SH3D19: variants seen among roughly 807,000 people sequenced by gnomAD.
SH3D19 encodes SH3 domain containing 19.
Under a neutral mutation model 112.1 loss-of-function variants are expected in SH3D19, and 58 were observed. That is an observed-to-expected ratio of 0.52 (90% CI 0.42 to 0.64). The LOEUF (loss-of-function observed/expected upper bound fraction) is 0.64. SH3D19 is among the 30% of genes least tolerant of loss of function. The pLI is 0.00. For missense variants in SH3D19, 1,090 were observed against 1,263.4 expected (o/e 0.86, Z 2.08); for synonymous variants, 391 against 448.5 (o/e 0.87, Z 1.62).
rs953459314 is a variant in SH3D19, at chr4:151,132,390, T to TAA, written c.2690-9_2690-8dup. 1.2e-6 allele frequency: 2 copies of TAA among 1,613,016 alleles called. No homozygotes were observed. Among genetic ancestry groups the TAA allele is most frequent in the Admixed American group, 3.3e-5 (2 of 59,890 alleles). On this transcript the variant is annotated splice_region_variant and splice_polypyrimidine_tract_variant and intron_variant, in intron 16 of 19. Transcript: ENST00000604030. ...TTCAGTGGTACCTTTGTGCCTACATTAAAAAAACAAACAAACACAAGAAGT... is the reference window on the plus strand; with the variant it reads ...TTCAGTGGTACCTTTGTGCCTACATTAAAAAAAAACAAACAAACACAAGAAGT...
chr4:151,252,053 G>A (rs150648501), intron 1 of SH3D19, among the ~76,000 whole-genome samples: 149 of 152,268 alleles, frequency 9.8e-4, no homozygotes, highest in African/African-American at 3.2e-3. Flanking sequence ...AGGAAAATCC[G>A]TCTGTGTTCC....
chr4:151,324,562 C>G (rs1325743279), intron 1 of SH3D19, among the ~76,000 whole-genome samples: 6 of 152,038 alleles, frequency 3.9e-5, no homozygotes, highest in Admixed American at 6.5e-5. Context: ...CACTTATTCA[C>G]TCTTTCACTA....
intron 1 of SH3D19, among the ~76,000 whole-genome samples, chr4:151,244,268 T>A (rs555916202): frequency 2.0e-5 from 3 of 152,258 alleles, no homozygotes; most frequent in South Asian, 2.1e-4. Context: ...GGTTTTTGGT[T>A]TTGTTTTGTT....
intron 1 of SH3D19, among the ~76,000 whole-genome samples, chr4:151,228,934 A>C (rs1391253170): frequency 6.6e-6 from 1 of 151,746 alleles, no homozygotes; most frequent in Non-Finnish European, 1.5e-5. Context: ...AGCTCACTGC[A>C]GCCTTGAGCT....
intron 1 of SH3D19, among the ~76,000 whole-genome samples, chr4:151,306,051 T>C (rs1580455899): frequency 2.6e-5 from 4 of 152,334 alleles, no homozygotes; most frequent in Admixed American, 2.6e-4. Flanking sequence ...TAATACTTTA[T>C]GAATTCATTT....
chr4:151,132,476 G>T lies in SH3D19; in HGVS notation c.2690-93C>A, dbSNP rs1270815600. 5.4e-6 allele frequency: 6 copies of T among 1,105,810 alleles called. No individual in the cohort carries two copies. In the South Asian group the frequency reaches 6.6e-5, roughly 12 times the overall value. The allele number at this position is 1,105,810 out of a possible 1,614,324, so 68.5% of individuals were successfully genotyped here. A position where few individuals can be genotyped will look rare whatever the true frequency, so the allele number is the denominator to read the frequency against. ...AACAAATGGTTGAGGTGGGAGGTGGGAGTGAAGACTCTGGGATTCCACTCC... is the reference window on the plus strand; with the variant it reads ...AACAAATGGTTGAGGTGGGAGGTGGTAGTGAAGACTCTGGGATTCCACTCC... On this transcript the variant is annotated intron_variant, in intron 16 of 19. Coordinates refer to ENST00000604030, the MANE Select transcript of SH3D19 (RefSeq NM_001378122.1).
At chr4:151,135,156 A>T in intron 14 of SH3D19, 24 bp from the exon 15 acceptor site, 1 of 1,558,288 alleles carries the variant, frequency 6.4e-7, no homozygotes, top group Non-Finnish European at 8.7e-7. Flanking sequence ...AATCAAGGCA[A>T]CAATTATATT....
chr4:151,299,131 T>C (rs1390788611), intron 1 of SH3D19, among the ~76,000 whole-genome samples: 1 of 152,246 alleles, frequency 6.6e-6, no homozygotes, highest in Non-Finnish European at 1.5e-5. Context: ...AAAGCTATGG[T>C]TGCAACTACT....
intron 2 of SH3D19, among the ~76,000 whole-genome samples, chr4:151,199,334 G>A (rs1764050430): frequency 6.6e-6 from 1 of 152,090 alleles, no homozygotes; most frequent in East Asian, 1.9e-4. Flanking sequence ...TATTTAAAAA[G>A]ATTCACAGAG....
intron 1 of SH3D19, among the ~76,000 whole-genome samples, chr4:151,281,162 A>G (rs1191616754): frequency 2.0e-5 from 3 of 152,174 alleles, no homozygotes; most frequent in Non-Finnish European, 4.4e-5. Flanking sequence ...AGGGCTCCAA[A>G]AAAAAGATAG....
rs547763281 is a variant in SH3D19, at chr4:151,162,381, G to T, written c.1643-3029C>A. On this transcript the variant is annotated intron_variant, in intron 8 of 19. Coordinates refer to ENST00000604030, the MANE Select transcript of SH3D19 (RefSeq NM_001378122.1). ...AATTTTTATATTTTTAGAAGAGACA[G>T]GGTTTCACCATGTTGGCCAGGCTGG... Among the ~76,000 whole-genome samples, 16 of 152,176 alleles carry T rather than the reference G, an allele frequency of 1.1e-4. No individual in the cohort carries two copies. The South Asian group carries it at 3.3e-3, about 32-fold the overall frequency.
chr4:151,187,978 GTCTC>G (rs1156398381), intron 2 of SH3D19, among the ~76,000 whole-genome samples: 1 of 151,928 alleles, frequency 6.6e-6, no homozygotes, highest in South Asian at 2.1e-4. Flanking sequence ...CAGACTCCCT[GTCTC>G]TCTCTCCCCC....
intron 2 of SH3D19, among the ~76,000 whole-genome samples, chr4:151,195,923 T>TAA (rs564812901): frequency 3.1e-5 from 4 of 127,780 alleles, no homozygotes; most frequent in Admixed American, 8.0e-5. Context: ...GAGAAGTTCT[T>TAA]AAAAAAAAAA....
intron 1 of SH3D19, among the ~76,000 whole-genome samples, chr4:151,267,617 A>G (rs777192993): frequency 1.3e-5 from 2 of 152,206 alleles, no homozygotes; most frequent in Non-Finnish European, 2.9e-5. Flanking sequence ...CAAAGTATCA[A>G]ATCTTGTTTT....
chr4:151,271,642 A>T (rs1353780964), intron 1 of SH3D19, among the ~76,000 whole-genome samples: 1 of 152,226 alleles, frequency 6.6e-6, no homozygotes, highest in Non-Finnish European at 1.5e-5. Flanking sequence ...AAGGTTGAGA[A>T]GCCCTGGTCA....
intron 1 of SH3D19, among the ~76,000 whole-genome samples, chr4:151,292,006 A>G (rs184073070): frequency 2.5e-4 from 38 of 152,338 alleles, no homozygotes; most frequent in African/African-American, 8.7e-4. Flanking sequence ...AAAAGAAGAA[A>G]AAAAAAGAGA....
intron 19 of SH3D19, among the ~76,000 whole-genome samples, chr4:151,127,143 C>T (rs1364467774): frequency 1.3e-5 from 2 of 152,044 alleles, no homozygotes; most frequent in Admixed American, 6.5e-5. Flanking sequence ...GATCTCCTGA[C>T]CTCGTGATCC....
At chr4:151,144,501 C>T (rs1330222277) in intron 11 of SH3D19, 1 of 562,638 alleles carries the variant, frequency 1.8e-6, no homozygotes, top group Admixed American at 3.0e-5. Context: ...CATAGAACCA[C>T]AAGAGCTAAA....
intron 1 of SH3D19, among the ~76,000 whole-genome samples, chr4:151,273,804 T>C (rs369867388): frequency 6.6e-5 from 10 of 152,056 alleles, no homozygotes; most frequent in African/African-American, 2.4e-4. Context: ...TCTGACCTTT[T>C]AAAAGAACTA....
Sources: allele counts gnomAD v4.1 joint callset (sites outside exome capture counted in the v4.1 genomes callset), GRCh38; gene constraint gnomAD v4.1.1; transcripts MANE v1.5; gene names NCBI Gene and HGNC (gene_info 2026-07-23, HGNC 2026-07-21).